Variants in CDKL5 observed in about 807,000 individuals in gnomAD.
CDKL5 encodes the protein cyclin-dependent kinase-like 5.
A neutral mutation model predicts 61.7 loss-of-function variants in CDKL5; 8 were observed. That is an observed-to-expected ratio of 0.13 (90% CI 0.08 to 0.23). CDKL5 has a LOEUF of 0.23. Ranked by LOEUF, CDKL5 falls within the 10% of genes least tolerant of loss-of-function variation. The pLI, the probability that CDKL5 is intolerant of heterozygous loss-of-function variation, is 1.00. For synonymous variants in CDKL5, 275 were observed against 272.3 expected (o/e 1.01, Z -0.10); for missense variants, 440 against 734.5 (o/e 0.60, Z 4.63).
At chrX:18,534,723 C>T (rs1016683410) in intron 3 of CDKL5, among the ~76,000 whole-genome samples, 5 of 112,120 alleles carry the variant, frequency 4.5e-5, no homozygotes, top group South Asian at 7.5e-4. Flanking sequence ...TCATTGTTTT[C>T]GAGATTCCTT....
intron 1 of CDKL5, among the ~76,000 whole-genome samples, chrX:18,481,179 T>TCTC (rs754302358): frequency 2.8e-5 from 3 of 108,851 alleles, no homozygotes; most frequent in South Asian, 4.0e-4. Context: ...TTTCTCTCTT[T>TCTC]CTCCTCCTCC....
intron 3 of CDKL5, among the ~76,000 whole-genome samples, chrX:18,528,961 A>G (rs765218929): frequency 1.8e-5 from 2 of 111,242 alleles, no homozygotes; most frequent in African/African-American, 6.5e-5. Context: ...ATTTTTTTAA[A>G]TCTACTCTGA....
At chrX:18,515,211 G>T (rs1211904849) in intron 3 of CDKL5, among the ~76,000 whole-genome samples, 1 of 112,432 alleles carries the variant, frequency 8.9e-6, no homozygotes, top group Non-Finnish European at 1.9e-5. Flanking sequence ...ATTGAATGGG[G>T]TTGAAATAAA....
At position 18,636,183 on chromosome X, in the gene CDKL5, A is replaced by G. The variant is rs941529389; in HGVS notation, c.*7426A>G. 1.8e-5 allele frequency: 2 copies of G among 109,669 alleles called. No individual in the cohort carries two copies. The highest frequency in any genetic ancestry group is 6.6e-5 in the African/African-American group (2 of 30,140). The allele number at this position is 109,669 out of a possible 1,213,427, so 9.0% of individuals were successfully genotyped here. On this transcript the variant is annotated 3_prime_UTR_variant, in exon 18 of 18. Coordinates refer to ENST00000623535, the MANE Select transcript of CDKL5 (RefSeq NM_001323289.2). ...CATTCTTAAAAGTCCTCTGTCAACC[A>G]CCTCTTCACTCTATCTCCTTAAGTG...
chrX:18,442,793 G>A (rs930936527), intron 1 of CDKL5, among the ~76,000 whole-genome samples: 3 of 112,001 alleles, frequency 2.7e-5, no homozygotes, highest in Admixed American at 1.9e-4. Flanking sequence ...CGCGCCTAGC[G>A]CTCTGTTGGG....
At position 18,646,001 on chromosome X, in the gene CDKL5, A is replaced by G. The variant is rs371658418; in HGVS notation, c.2714-6A>G. 2 of 1,211,197 alleles carry G rather than the reference A, an allele frequency of 1.7e-6. No homozygotes were observed. Among genetic ancestry groups the G allele is most frequent in the Non-Finnish European group, 2.2e-6 (2 of 895,318 alleles). ...TGCTGCTCTTTTGTTTCTCCCCACT[A>G]ACTAGACGGTGGATGTGATGGCAGA... On this transcript the variant is annotated splice_polypyrimidine_tract_variant and splice_region_variant and intron_variant, in intron 19 of 21. Transcript: ENST00000379989.
In CDKL5 at chrX:18,650,431, AC is replaced by A. The variant is rs1158352360; in HGVS notation, c.2822del (p.Pro941GlnfsTer59). The A allele has an allele frequency of 2.5e-6, 3 of 1,209,806 alleles. No individual in the cohort carries two copies. In the African/African-American group the frequency reaches 5.3e-5, roughly 21 times the overall value. ...CCAGGAGAATACTTCTGCTGTGGTG[AC>A]CCAAAGAAGCCTCACACTCCGTGCG... On this transcript the variant is annotated frameshift_variant, in exon 21 of 22. Transcript: ENST00000379989. LOFTEE classifies it high-confidence loss of function.
Position 18,628,842 on chromosome X carries a change from G to C in CDKL5, c.*85G>C. The C allele has an allele frequency of 9.2e-7, 1 of 1,085,543 alleles. No individual in the cohort carries two copies. Among genetic ancestry groups the C allele is most frequent in the Non-Finnish European group, 1.2e-6 (1 of 840,759 alleles). The allele number at this position is 1,085,543 out of a possible 1,213,427, so 89.5% of individuals were successfully genotyped here. On this transcript the variant is annotated 3_prime_UTR_variant, in exon 18 of 18. Coordinates refer to ENST00000623535, the MANE Select transcript of CDKL5 (RefSeq NM_001323289.2). ...TGGGCTGGGCTTGGGGCATGGGCCG[G>C]GCCAAGTGGTGAGCCAATATTTTCA...
intron 1 of CDKL5, among the ~76,000 whole-genome samples, chrX:18,478,540 C>T (rs1026764258): frequency 9.1e-6 from 1 of 109,627 alleles, no homozygotes; most frequent in Admixed American, 9.8e-5. Context: ...ATCTGCCCAC[C>T]TCGGCCTCCC....
chrX:18,557,481 G>A (rs1325808296), intron 3 of CDKL5, among the ~76,000 whole-genome samples: 1 of 111,669 alleles, frequency 9.0e-6, no homozygotes, highest in East Asian at 2.8e-4. Context: ...CGTAGATACT[G>A]AGGAATAACT....
chrX:18,630,717 C>T lies in CDKL5; in HGVS notation c.*1960C>T. On this transcript the variant is annotated 3_prime_UTR_variant, in exon 18 of 18. Coordinates refer to ENST00000623535, the MANE Select transcript of CDKL5 (RefSeq NM_001323289.2). ...GAGTGTAATAGGCACTAAAATGAAA[C>T]TCGACTGGGTACTATTACTGAAAAA... 1 of 749,452 alleles carries T rather than the reference C, an allele frequency of 1.3e-6. No individual in the cohort carries two copies. The highest frequency in any genetic ancestry group is 1.6e-6 in the Non-Finnish European group (1 of 636,145). 61.8% of individuals were successfully genotyped at this position (749,452 alleles called of 1,213,427 possible).
chrX:18,642,915 G>T (rs1315944983), downstream of CDKL5, among the ~76,000 whole-genome samples: 1 of 110,351 alleles, frequency 9.1e-6, no homozygotes, highest in Admixed American at 9.6e-5. Context: ...GCAGTGGCAG[G>T]TGCCTGTAAA....
chrX:18,602,998 G>A (rs1200041775), intron 11 of CDKL5, among the ~76,000 whole-genome samples: 1 of 111,924 alleles, frequency 8.9e-6, no homozygotes, highest in African/African-American at 3.2e-5. Flanking sequence ...GCCTTGCTAT[G>A]GTGTCAGTTT....
At chrX:18,586,314 A>G (rs1260622339) in intron 8 of CDKL5, among the ~76,000 whole-genome samples, 1 of 111,696 alleles carries the variant, frequency 9.0e-6, no homozygotes, top group East Asian at 2.8e-4. Context: ...TTTACTGGAC[A>G]CTTTACCAAT....
intron 1 of CDKL5, among the ~76,000 whole-genome samples, chrX:18,456,342 C>T (rs985488593): frequency 3.6e-5 from 4 of 111,933 alleles, no homozygotes; most frequent in Non-Finnish European, 7.5e-5. Flanking sequence ...CCGCCCGTCA[C>T]AACCCAACCT....
intron 1 of CDKL5, among the ~76,000 whole-genome samples, chrX:18,430,601 G>T (rs958771326): frequency 2.7e-5 from 3 of 110,960 alleles, no homozygotes; most frequent in African/African-American, 9.8e-5. Flanking sequence ...ATGCCACCAT[G>T]CCCAGCTAAT....
chrX:18,514,661 C>T (rs1397395517), intron 3 of CDKL5, among the ~76,000 whole-genome samples: 3 of 103,824 alleles, frequency 2.9e-5, no homozygotes, highest in Admixed American at 1.0e-4. Flanking sequence ...GAACCGATAT[C>T]GCACCACTGC....
At chrX:18,585,152 G>A (rs1376350320) in intron 8 of CDKL5, among the ~76,000 whole-genome samples, 1 of 111,803 alleles carries the variant, frequency 8.9e-6, no homozygotes, top group Non-Finnish European at 1.9e-5. Flanking sequence ...CCAGCACTTT[G>A]GGAGGCCAAA....
chrX:18,455,269 A>T (rs775088388), intron 1 of CDKL5, among the ~76,000 whole-genome samples: 4 of 112,321 alleles, frequency 3.6e-5, no homozygotes, highest in African/African-American at 1.3e-4. Context: ...TAAGTGACTC[A>T]TCACCTTTGT....
Sources: gnomAD v4.1 joint callset for allele counts (sites outside exome capture counted in the v4.1 genomes callset) on GRCh38, gnomAD v4.1.1 for gene constraint, MANE v1.5 for transcripts, NCBI Gene and HGNC (gene_info 2026-07-23, HGNC 2026-07-21) for gene names.